CHODL: variants seen among roughly 807,000 people sequenced by gnomAD.
CHODL encodes transmembrane protein MT75.
CHODL carries 29 observed loss-of-function variants against 34.5 expected under a neutral mutation model. The observed-to-expected ratio is 0.84, with a 90% confidence interval of 0.63 to 1.15. CHODL has a LOEUF of 1.15. CHODL is among the 50% of genes most tolerant of loss of function. The probability of loss-of-function intolerance (pLI) is 0.00; values close to 1 mark genes in which losing one functional copy is unlikely to be tolerated. For missense variants in CHODL, 332 were observed against 332.5 expected (o/e 1.00, Z 0.01); for synonymous variants, 125 against 116.1 (o/e 1.08, Z -0.49).
Position 18,210,990 on chromosome 21 carries a change from C to G in CHODL, c.-44-45519C>G, listed in dbSNP as rs1462557657. Among the ~76,000 whole-genome samples, 8 of 152,220 alleles carry G rather than the reference C, an allele frequency of 5.3e-5. No homozygotes were observed. In the South Asian group the frequency reaches 6.2e-4, roughly 12 times the overall value. On this transcript the variant is annotated intron_variant, in intron 2 of 6. Transcript: ENST00000400127. Reference sequence around the variant, plus strand: ...TATCATCCCTGATTGAATTTTGTTCCAGCTACACATTACTTTTGACTTGCC... The same window carrying G: ...TATCATCCCTGATTGAATTTTGTTCGAGCTACACATTACTTTTGACTTGCC...
At chr21:18,133,543 A>G (rs1017807686) in intron 2 of CHODL, among the ~76,000 whole-genome samples, 16 of 152,154 alleles carry the variant, frequency 1.1e-4, no homozygotes, top group Admixed American at 8.5e-4. Flanking sequence ...TATTCTGGAC[A>G]ATCTTTACAG....
At chr21:17,967,765 CAT>C (rs1445836674) in intron 1 of CHODL, among the ~76,000 whole-genome samples, 5 of 152,054 alleles carry the variant, frequency 3.3e-5, no homozygotes, top group African/African-American at 1.2e-4. Flanking sequence ...CAGTCTCTGA[CAT>C]ATTTCTATTG....
rs959873272 is a variant in CHODL at position 18,206,590 on chromosome 21, A to AT, written c.-44-49910dup. 3.4e-4 allele frequency among the ~76,000 whole-genome samples: 49 copies of AT among 142,298 alleles called. No individual in the cohort carries two copies. In the East Asian group the frequency reaches 3.5e-3, roughly 10 times the overall value. 93.4% of individuals were successfully genotyped at this position (142,298 alleles called of 152,430 possible). Reference sequence around the variant, plus strand: ...TTGGCTCTTGTGTTTTTTTCTTTGTATTTTTTTTTAATTCAGTCACTCTCT... The same window carrying AT: ...TTGGCTCTTGTGTTTTTTTCTTTGTATTTTTTTTTTAATTCAGTCACTCTCT... On this transcript the variant is annotated intron_variant, in intron 2 of 6. Coordinates refer to the CHODL transcript ENST00000400127.
chr21:18,112,547 C>T (rs2065363561), intron 2 of CHODL, among the ~76,000 whole-genome samples: 1 of 152,078 alleles, frequency 6.6e-6, no homozygotes, highest in Non-Finnish European at 1.5e-5. Context: ...AAACAGCATG[C>T]TGCTGGCATA....
At chr21:18,226,952 G>T (rs2073936734) in intron 2 of CHODL, among the ~76,000 whole-genome samples, 1 of 152,028 alleles carries the variant, frequency 6.6e-6, no homozygotes, top group Non-Finnish European at 1.5e-5. Context: ...GTCCATTCCG[G>T]CTGCGATAAC....
intron 2 of CHODL, among the ~76,000 whole-genome samples, chr21:18,075,898 A>G (rs547358270): frequency 6.6e-6 from 1 of 152,308 alleles, no homozygotes; most frequent in East Asian, 1.9e-4. Flanking sequence ...AAGAGTCTCT[A>G]GAGAGATCTC....
chr21:18,137,632 C>T (rs2072749638), intron 2 of CHODL, among the ~76,000 whole-genome samples: 1 of 151,120 alleles, frequency 6.6e-6, no homozygotes, highest in South Asian at 2.1e-4. Flanking sequence ...TATTCATTAA[C>T]AACTTTCTTA....
chr21:18,252,397 T>C (rs746109817), intron 1 of CHODL, among the ~76,000 whole-genome samples: 1 of 152,160 alleles, frequency 6.6e-6, no homozygotes, highest in Non-Finnish European at 1.5e-5. Context: ...AAATTGGCTT[T>C]TACAGAAGTG....
intron 1 of CHODL, among the ~76,000 whole-genome samples, chr21:18,001,494 TTA>T (rs1385106632): frequency 6.6e-6 from 1 of 152,206 alleles, no homozygotes; most frequent in African/African-American, 2.4e-5. Context: ...CATTTGCCAG[TTA>T]AAAGTCATAA....
intron 2 of CHODL, among the ~76,000 whole-genome samples, chr21:18,219,518 T>A (rs1487763946): frequency 2.0e-5 from 3 of 152,150 alleles, no homozygotes; most frequent in Non-Finnish European, 4.4e-5. Context: ...TTTTATATAG[T>A]GGCTATACAA....
chr21:18,155,213 C>T (rs1315232425), intron 2 of CHODL, among the ~76,000 whole-genome samples: 2 of 152,118 alleles, frequency 1.3e-5, no homozygotes, highest in African/African-American at 2.4e-5. Context: ...TTGAAGAAAG[C>T]AAAGTGTCAC....
intron 2 of CHODL, among the ~76,000 whole-genome samples, chr21:18,118,629 TG>T (rs1257912672): frequency 2.0e-5 from 3 of 152,180 alleles, no homozygotes; most frequent in Non-Finnish European, 4.4e-5. Context: ...TATGTCTGTA[TG>T]GGACTGACAA....
chr21:17,978,312 C>G (rs533970891), intron 1 of CHODL, among the ~76,000 whole-genome samples: 1 of 151,342 alleles, frequency 6.6e-6, no homozygotes, highest in East Asian at 2.0e-4. Flanking sequence ...GTCCCAGCTA[C>G]TTGGGAGGCT....
intron 2 of CHODL, among the ~76,000 whole-genome samples, chr21:18,117,555 A>C (rs961498049): frequency 6.6e-6 from 1 of 152,038 alleles, no homozygotes; most frequent in Admixed American, 6.5e-5. Flanking sequence ...TTCATAAAAA[A>C]ATTACTCCCT....
At chr21:17,998,717 C>A (rs2146396961) in intron 1 of CHODL, among the ~76,000 whole-genome samples, 1 of 152,358 alleles carries the variant, frequency 6.6e-6, no homozygotes, top group Non-Finnish European at 1.5e-5. Flanking sequence ...TACGTTGGCC[C>A]CTTTCAGCCA....
intron 2 of CHODL, among the ~76,000 whole-genome samples, chr21:18,174,486 T>G (rs994751106): frequency 7.9e-5 from 12 of 152,168 alleles, no homozygotes; most frequent in Non-Finnish European, 1.3e-4. Flanking sequence ...ACAGTCACTC[T>G]TAGCCATTAA....
chr21:18,032,725 A>T (rs2064262070), intron 2 of CHODL, among the ~76,000 whole-genome samples: 1 of 152,066 alleles, frequency 6.6e-6, no homozygotes, highest in African/African-American at 2.4e-5. Flanking sequence ...ACTGAACAGA[A>T]GATACCAGAA....
intron 1 of CHODL, among the ~76,000 whole-genome samples, chr21:17,938,856 TG>T (rs1399447450): frequency 6.6e-6 from 1 of 151,856 alleles, no homozygotes; most frequent in Non-Finnish European, 1.5e-5. Flanking sequence ...TGGGCACTTC[TG>T]ATTTCAATTT....
chr21:18,252,405 G>C (rs2074268724), intron 1 of CHODL, among the ~76,000 whole-genome samples: 1 of 152,150 alleles, frequency 6.6e-6, no homozygotes, highest in Non-Finnish European at 1.5e-5. Flanking sequence ...TTTTACAGAA[G>C]TGGGAAAGTT....
Sources: gnomAD v4.1 joint callset for allele counts (sites outside exome capture counted in the v4.1 genomes callset) on GRCh38, gnomAD v4.1.1 for gene constraint, MANE v1.5 for transcripts, NCBI Gene and HGNC (gene_info 2026-07-23, HGNC 2026-07-21) for gene names.